The following TNPO2 variants were observed in gnomAD, a reference collection of about 807,000 sequenced individuals.
TNPO2 encodes the protein transportin-2.
In TNPO2, 16 loss-of-function variants were observed where a neutral mutation model predicts 111.1. The observed-to-expected ratio is 0.14, with a 90% CI of 0.10 to 0.22. The LOEUF is 0.22. Ranked by LOEUF, TNPO2 falls within the 10% of genes least tolerant of loss-of-function variation. The probability of loss-of-function intolerance (pLI) is 1.00; values close to 1 mark genes in which losing one functional copy is unlikely to be tolerated. For synonymous variants in TNPO2, 481 were observed against 475.8 expected, an observed-to-expected ratio of 1.01 and a Z score of -0.14; for missense variants, 530 against 1,173.7, an observed-to-expected ratio of 0.45 and a Z score of 8.01.
At chr19:12,710,584 C>T (rs1172851505) in intron 13 of TNPO2, 37 bp downstream of exon 13, 1 of 1,606,300 alleles carries the variant, frequency 6.2e-7, no homozygotes, top group Admixed American at 1.7e-5. Context: ...CCTACAGTCT[C>T]ATGCCAGCAC....
In TNPO2 at chr19:12,710,682, G is replaced by T; in HGVS notation, c.1209C>A (p.Leu403=). 2 of 1,613,708 alleles carry T rather than the reference G, an allele frequency of 1.2e-6. No individual in the cohort carries two copies. Residue 403 remains leucine, a synonymous_variant, in exon 13 of 26, where the codon CTC becomes CTA. Transcript: ENST00000425528. ...CCTTGACCACCCACTCGGGGTGGAAGAGGAGGCCTTTGAGTAGTGGGAGTA... is the reference window on the plus strand; with the variant it reads ...CCTTGACCACCCACTCGGGGTGGAATAGGAGGCCTTTGAGTAGTGGGAGTA... ...PHLLPLLKGL[L]FHPEWVVKES...
At position 12,706,490 on chromosome 19, in the gene TNPO2, T is replaced by G. The variant is rs760400354; in HGVS notation, c.1496+80A>C. The G allele has an allele frequency of 6.3e-6, 10 of 1,575,852 alleles. No individual in the cohort carries two copies. In the Admixed American group the frequency reaches 1.7e-4, roughly 26 times the overall value. On this transcript the variant is annotated intron_variant, in intron 14 of 25. Coordinates refer to ENST00000425528, the MANE Select transcript of TNPO2 (RefSeq NM_001382241.1). This position sits in a 1 kb window ranked among gnomAD's most constrained non-coding sequence, Gnocchi z 7.0. ...GAATACGCGATAAATCAGTTCCACA[T>G]CAACAGTCACAGGTGTCATCACTTC...
chr19:12,716,796 CTGAAGGAGG>C (rs2145592383), intron 5 of TNPO2, among the ~76,000 whole-genome samples: 1 of 152,178 alleles, frequency 6.6e-6, no homozygotes, highest in South Asian at 2.1e-4. Flanking sequence ...GAGCCAAGGC[CTGAAGGAGG>C]TGAAGGAGGC....
rs1474346480 is a variant in TNPO2 at position 12,715,361 on chromosome 19, G to A, written c.567-37C>T. The A allele has an allele frequency of 6.2e-7, 1 of 1,613,844 alleles. No individual in the cohort carries two copies. The highest frequency in any genetic ancestry group is 8.5e-7 in the Non-Finnish European group (1 of 1,179,820). ...CAGACACGTGGGTCACCCTGACCCT[G>A]CCCACTCCAGGCTCCCTGGAAGCCC... On this transcript the variant is annotated intron_variant, in intron 7 of 25. Transcript: ENST00000425528. The surrounding 1 kb of genome is among the most constrained non-coding windows in gnomAD (Gnocchi z 7.1).
chr19:12,701,573 G>T lies in TNPO2; in HGVS notation c.2586+25C>A. 6.2e-7 allele frequency: 1 copy of T among 1,613,224 alleles called. No individual in the cohort carries two copies. Among genetic ancestry groups the T allele is most frequent in the Non-Finnish European group, 8.5e-7 (1 of 1,179,316 alleles). On this transcript the variant is annotated intron_variant, in intron 24 of 25. Coordinates refer to ENST00000425528, the MANE Select transcript of TNPO2 (RefSeq NM_001382241.1). This position sits in a 1 kb window ranked among gnomAD's most constrained non-coding sequence, Gnocchi z 5.0. ...TCACCCCTGCCTGCTCCCGGAACTA[G>T]ATCAGGGCCCAGACAGAGCCTCACC...
At position 12,706,372 on chromosome 19, in the gene TNPO2, T is replaced by C. The variant is rs1568333232; in HGVS notation, c.1497-5A>G. ...TCCTCCAGGGTGGCAAAAGCACTGG[T>C]GGGAGGGAGGATGAAGCGGGGGCTC... On this transcript the variant is annotated splice_region_variant and splice_polypyrimidine_tract_variant and intron_variant, in intron 14 of 25. Coordinates refer to ENST00000425528, the MANE Select transcript of TNPO2 (RefSeq NM_001382241.1). This position sits in a 1 kb window ranked among gnomAD's most constrained non-coding sequence, Gnocchi z 7.0. 1 of 1,613,362 alleles carries C rather than the reference T, an allele frequency of 6.2e-7. No individual in the cohort carries two copies. The highest frequency in any genetic ancestry group is 8.5e-7 in the Non-Finnish European group (1 of 1,179,818).
In TNPO2 at chr19:12,715,359, C is replaced by T. The variant is rs747895036; in HGVS notation, c.567-35G>A. ...AGCAGACACGTGGGTCACCCTGACC[C>T]TGCCCACTCCAGGCTCCCTGGAAGC... is the stretch of plus-strand genomic sequence containing the variant. On this transcript the variant is annotated intron_variant, in intron 7 of 25. Coordinates refer to ENST00000425528, the MANE Select transcript of TNPO2 (RefSeq NM_001382241.1). This position sits in a 1 kb window ranked among gnomAD's most constrained non-coding sequence, Gnocchi z 7.1. The T allele has an allele frequency of 2.0e-5, 33 of 1,613,826 alleles. No homozygotes were observed. In the South Asian group the frequency reaches 2.6e-4, roughly 13 times the overall value.
intron 3 of TNPO2, 108 bp downstream of exon 3, chr19:12,720,771 G>T (rs2026638481): frequency 7.1e-7 from 1 of 1,401,178 alleles, no homozygotes; most frequent in African/African-American, 1.5e-5. Context: ...CCGCACAGCA[G>T]AAAAAATCTG....
chr19:12,718,603 A>G (rs1467366004), intron 5 of TNPO2, among the ~76,000 whole-genome samples: 1 of 152,172 alleles, frequency 6.6e-6, no homozygotes, highest in African/African-American at 2.4e-5. Flanking sequence ...ATTCTTAGTC[A>G]TCTTTCTGTA....
chr19:12,705,098 C>T lies in TNPO2; in HGVS notation c.2022+142G>A, dbSNP rs2025561262. On this transcript the variant is annotated intron_variant, in intron 18 of 25. Coordinates refer to ENST00000425528, the MANE Select transcript of TNPO2 (RefSeq NM_001382241.1). This position sits in a 1 kb window ranked among gnomAD's most constrained non-coding sequence, Gnocchi z 7.2. ...CTCCTGGGCTCAAGCAATCCTGCCTCGGCCTCCAGGATTACTCTTTAAAAT... is the reference window on the plus strand; with the variant it reads ...CTCCTGGGCTCAAGCAATCCTGCCTTGGCCTCCAGGATTACTCTTTAAAAT... The T allele has an allele frequency of 8.0e-6, 7 of 876,436 alleles. No homozygotes were observed. The highest frequency in any genetic ancestry group is 5.3e-5 in the Admixed American group (2 of 37,914). 54.3% of individuals were successfully genotyped at this position (876,436 alleles called of 1,614,324 possible).
chr19:12,717,015 T>TGGC (rs2026398280), intron 5 of TNPO2, among the ~76,000 whole-genome samples: 2 of 152,136 alleles, frequency 1.3e-5, no homozygotes, highest in African/African-American at 4.8e-5. Context: ...ACAGTGCACA[T>TGGC]ATCTGGTGAC....
rs184736953 is a variant in TNPO2 at position 12,707,564 on chromosome 19, A to T, written c.1271-769T>A. On this transcript the variant is annotated intron_variant, in intron 13 of 25. Transcript: ENST00000425528. ...GAGTGCAGTGGTGTGATCTGGGCTC[A>T]CTGCAGCCTCTGCCTCCCGGGTTCA... is the stretch of plus-strand genomic sequence containing the variant. Among the ~76,000 whole-genome samples, 62 of 128,614 alleles carry T rather than the reference A, an allele frequency of 4.8e-4. 1 individual carries two copies. The East Asian group carries it at 0.01, about 21-fold the overall frequency. The allele number at this position is 128,614 out of a possible 152,430, so 84.4% of individuals were successfully genotyped here.
In TNPO2 at chr19:12,715,021, C is replaced by A. The variant is rs552873025; in HGVS notation, c.771+26G>T. The A allele has an allele frequency of 6.0e-5, 95 of 1,571,798 alleles. No individual in the cohort carries two copies. The African/African-American group carries it at 1.1e-3, about 19-fold the overall frequency. ...CTGCCACCGGCCCCCTGCCTGCCCG[C>A]CTGGGCTGGCCTTGACCATGCACAC... On this transcript the variant is annotated intron_variant, in intron 9 of 25. Transcript: ENST00000425528. This position sits in a 1 kb window ranked among gnomAD's most constrained non-coding sequence, Gnocchi z 7.1.
chr19:12,703,880 G>T, intron 18 of TNPO2, 79 bp from the exon 19 acceptor site: 2 of 1,263,274 alleles, frequency 1.6e-6, no homozygotes, highest in Non-Finnish European at 2.2e-6. Context: ...AGTCCCTGGT[G>T]CATGTCCAGC....
intron 12 of TNPO2, among the ~76,000 whole-genome samples, chr19:12,710,999 G>A (rs1449674417): frequency 4.6e-5 from 7 of 152,048 alleles, no homozygotes; most frequent in African/African-American, 1.7e-4. Flanking sequence ...GGTTCATGCC[G>A]TTTTCCTGCC....
rs1162366541 is a variant in TNPO2 at position 12,700,506 on chromosome 19, A to C, written c.*758T>G. ...TTCTCACCCTGCGAGCTAGGCTAGG[A>C]TAAGGACGGAGACACCACCAGCTGA... On this transcript the variant is annotated 3_prime_UTR_variant, in exon 26 of 26. Transcript: ENST00000425528. 1.3e-5 allele frequency: 2 copies of C among 152,304 alleles called. No homozygotes were observed. Among genetic ancestry groups the C allele is most frequent in the East Asian group, 1.9e-4 (1 of 5,204 alleles). 9.4% of individuals were successfully genotyped at this position (152,304 alleles called of 1,614,324 possible). A position where few individuals can be genotyped will look rare whatever the true frequency, so the allele number is the denominator to read the frequency against.
intron 10 of TNPO2, 38 bp from the exon 11 acceptor site, chr19:12,711,651 C>G: frequency 6.3e-7 from 1 of 1,598,316 alleles, no homozygotes; most frequent in South Asian, 1.1e-5. Flanking sequence ...ATGCAGGGGC[C>G]GTGGCAAAAG....
At chr19:12,703,570 G>C in intron 19 of TNPO2, 44 bp from the exon 20 acceptor site, 1 of 1,602,160 alleles carries the variant, frequency 6.2e-7, no homozygotes, top group African/African-American at 1.3e-5. Context: ...GGCCAGCCAG[G>C]GTAAGCTGCA....
chr19:12,704,137 C>A (rs1305255426), intron 18 of TNPO2, among the ~76,000 whole-genome samples: 1 of 152,210 alleles, frequency 6.6e-6, no homozygotes, highest in Admixed American at 6.6e-5. Context: ...CAGGCCGAGG[C>A]AGGCAGATCA....
Sources: gnomAD v4.1 joint callset for allele counts (sites outside exome capture counted in the v4.1 genomes callset) on GRCh38, gnomAD v4.1.1 for gene constraint, Gnocchi (gnomAD v3.1) non-coding constraint, MANE v1.5 for transcripts, NCBI Gene and HGNC (gene_info 2026-07-23, HGNC 2026-07-21) for gene names.